TGIF1: variants seen among roughly 807,000 people sequenced by gnomAD.
The protein encoded by TGIF1 is TGFB induced factor homeobox 1.
Under a neutral mutation model 19.3 loss-of-function variants are expected in TGIF1, and 4 were observed. The observed-to-expected ratio is 0.21, with a 90% CI of 0.10 to 0.47. TGIF1 has a LOEUF of 0.47. TGIF1 is among the 20% of genes least tolerant of loss of function. TGIF1 has a pLI of 0.98. For synonymous variants in TGIF1, 122 were observed against 129.3 expected (o/e 0.94, Z 0.38); for missense variants, 275 against 341.4 (o/e 0.81, Z 1.53).
In TGIF1 at chr18:3,457,427, C is replaced by T; in HGVS notation, c.306C>T (p.Gly102=). The T allele has an allele frequency of 6.2e-7, 1 of 1,614,150 alleles. No individual in the cohort carries two copies. Among genetic ancestry groups the T allele is most frequent in the Non-Finnish European group, 8.5e-7 (1 of 1,180,022 alleles). The part of the protein sequence containing the change: ...RLLPDMLRKD[G]KDPNQFTISR... ...TCCCTGACATGCTGAGAAAGGATGG[C>T]AAAGATCCAAATCAGTTCACAATTT... Residue 102 remains glycine (G), a synonymous_variant, in exon 3 of 3, where the codon GGC becomes GGT. Transcript: ENST00000343820. This position sits in a 1 kb window ranked among gnomAD's most constrained non-coding sequence, Gnocchi z 4.9.
At position 3,458,309 on chromosome 18, in the gene TGIF1, A is replaced by G. The variant is rs2049429185; in HGVS notation, c.*369A>G. On this transcript the variant is annotated 3_prime_UTR_variant, in exon 3 of 3. Coordinates refer to ENST00000343820, the MANE Select transcript of TGIF1 (RefSeq NM_003244.4). ...TTCCCATGTGGAACAGGATGCCCAC[A>G]TACTGTCTAATTAATAAATTTTCCA... 5.2e-6 allele frequency: 1 copy of G among 191,194 alleles called. No individual in the cohort carries two copies. Among genetic ancestry groups the G allele is most frequent in the Non-Finnish European group, 1.1e-5 (1 of 92,720 alleles). 11.8% of individuals were successfully genotyped at this position (191,194 alleles called of 1,614,324 possible). A position where few individuals can be genotyped will look rare whatever the true frequency, so the allele number is the denominator to read the frequency against.
At chr18:3,452,427 T>C in intron 1 of TGIF1, 2 of 1,612,440 alleles carry the variant, frequency 1.2e-6, no homozygotes, top group Non-Finnish European at 8.5e-7. Context: ...CAGGGCTCTT[T>C]GGGGGAGCCG....
chr18:3,452,061 T>C (rs200101481), intron 1 of TGIF1: 13 of 1,613,908 alleles, frequency 8.1e-6, no homozygotes, highest in African/African-American at 2.7e-5. Flanking sequence ...CTCTGATTCC[T>C]TTCCATGGCC....
At chr18:3,420,173 G>C (rs2082383610) in intron 2 of TGIF1, among the ~76,000 whole-genome samples, 1 of 152,026 alleles carries the variant, frequency 6.6e-6, no homozygotes, top group African/African-American at 2.4e-5. Flanking sequence ...AGGTCAGGCA[G>C]AGTTTGAGAC....
intron 2 of TGIF1, among the ~76,000 whole-genome samples, chr18:3,441,146 T>C (rs1003823119): frequency 1.3e-5 from 2 of 152,218 alleles, no homozygotes; most frequent in Non-Finnish European, 2.9e-5. Context: ...ACAGAGTTTT[T>C]CTTTTCTACG....
Position 3,456,425 on chromosome 18 carries a change from T to A in TGIF1, c.88T>A (p.Ser30Thr). ...GGACATTCCCTTGGACCTTTCTTCA[T>A]CCGCTGGCTCAGGCAAGAGAAGGAG... The part of the protein sequence containing the change: ...SMDIPLDLSS[S>T]AGSGKRRRRG... The change falls in exon 2 of 3, where the codon TCC (serine) becomes ACC (threonine). Residue 30 changes from serine (S) to threonine (T), a missense_variant. By Grantham distance (58) the Ser-to-Thr change is moderately conservative (BLOSUM62 1). Coordinates refer to ENST00000343820, the MANE Select transcript of TGIF1 (RefSeq NM_003244.4). This position sits in a 1 kb window ranked among gnomAD's most constrained non-coding sequence, Gnocchi z 4.2. 1.2e-6 allele frequency: 2 copies of A among 1,614,252 alleles called. No individual in the cohort carries two copies. The highest frequency in any genetic ancestry group is 1.7e-6 in the Non-Finnish European group (2 of 1,180,040).
intron 2 of TGIF1, among the ~76,000 whole-genome samples, chr18:3,427,441 G>A (rs573998924): frequency 6.6e-6 from 1 of 151,778 alleles, no homozygotes; most frequent in Admixed American, 6.6e-5. Flanking sequence ...ACAGGTGTGC[G>A]CCACCACACG....
At chr18:3,449,897 C>A, upstream of TGIF1, 1 of 985,906 alleles carries the variant, frequency 1.0e-6, no homozygotes, top group Non-Finnish European at 1.2e-6. Context: ...AAGGGAGAAA[C>A]CTGGGGCGCT....
Position 3,450,331 on chromosome 18 carries a change from C to T in TGIF1, c.-159C>T. On this transcript the variant is annotated 5_prime_UTR_variant, in exon 1 of 3. Transcript: ENST00000343820. ...TTGAATTCCACCCAAGGAGCGGGCG[C>T]CTGGGATCAGAGCGTCCTGTTTAGC... The T allele has an allele frequency of 3.4e-6, 5 of 1,462,176 alleles. No individual in the cohort carries two copies. Among genetic ancestry groups the T allele is most frequent in the Non-Finnish European group, 4.5e-6 (5 of 1,104,288 alleles). The allele number at this position is 1,462,176 out of a possible 1,614,324, so 90.6% of individuals were successfully genotyped here. A position where few individuals can be genotyped will look rare whatever the true frequency, so the allele number is the denominator to read the frequency against.
At chr18:3,425,785 C>T (rs62082331) in intron 2 of TGIF1, among the ~76,000 whole-genome samples, 1 of 152,092 alleles carries the variant, frequency 6.6e-6, no homozygotes, top group African/African-American at 2.4e-5. Flanking sequence ...TGCGTGGTGC[C>T]AGCATCGTGT....
rs115287367 is a variant in TGIF1, at chr18:3,415,501, G to A, written c.-117-2642G>A. ...AGGAGCAAGTCATGAGTTCCTGGGT[G>A]CCCAGAAGACAGCAATGGTGCCAGC... On this transcript the variant is annotated intron_variant, in intron 1 of 3. Coordinates refer to the TGIF1 transcript ENST00000401449. 1.3e-3 allele frequency: 599 copies of A among 465,180 alleles called. 3 individuals are homozygous for A. Among genetic ancestry groups the A allele is most frequent in the African/African-American group, 0.011 (542 of 50,734 alleles). The allele number at this position is 465,180 out of a possible 1,614,324, so 28.8% of individuals were successfully genotyped here. A position where few individuals can be genotyped will look rare whatever the true frequency, so the allele number is the denominator to read the frequency against.
chr18:3,449,317 A>G (rs1568044643), upstream of TGIF1: 1 of 911,444 alleles, frequency 1.1e-6, no homozygotes, highest in Non-Finnish European at 1.3e-6. Flanking sequence ...TAGCTATAAA[A>G]GTGGCCGCTG....
At position 3,457,205 on chromosome 18, in the gene TGIF1, G is replaced by A. The variant is rs1393764328; in HGVS notation, c.244-160G>A. Reference sequence around the variant, plus strand: ...CAGGTGGTAGCTTGCTTTCTTGGCGGAGCTCAGATACCTTGAAATAACATT... The same window carrying A: ...CAGGTGGTAGCTTGCTTTCTTGGCGAAGCTCAGATACCTTGAAATAACATT... On this transcript the variant is annotated intron_variant, in intron 2 of 2. Transcript: ENST00000343820. This position sits in a 1 kb window ranked among gnomAD's most constrained non-coding sequence, Gnocchi z 4.9. 1.2e-6 allele frequency: 1 copy of A among 847,746 alleles called. No homozygotes were observed. The highest frequency in any genetic ancestry group is 1.9e-6 in the Non-Finnish European group (1 of 537,634). 52.5% of individuals were successfully genotyped at this position (847,746 alleles called of 1,614,324 possible). A position where few individuals can be genotyped will look rare whatever the true frequency, so the allele number is the denominator to read the frequency against.
intron 1 of TGIF1, among the ~76,000 whole-genome samples, chr18:3,453,497 A>AC (rs959021073): frequency 2.2e-4 from 33 of 151,658 alleles, no homozygotes; most frequent in Admixed American, 1.3e-3. Context: ...GACCAGCCTG[A>AC]CCAACATGGA....
At chr18:3,417,926 C>T (rs1025647530) in intron 1 of TGIF1, among the ~76,000 whole-genome samples, 2 of 152,108 alleles carry the variant, frequency 1.3e-5, no homozygotes, top group Non-Finnish European at 2.9e-5. Flanking sequence ...TAGCAAGACC[C>T]CATCTCTACA....
chr18:3,412,705 G>A (rs2082286247), intron 1 of TGIF1: 1 of 152,266 alleles, frequency 6.6e-6, no homozygotes, highest in South Asian at 2.1e-4. Flanking sequence ...CGAGTGGCAT[G>A]ACTGCATTCC....
rs186004884 is a variant in TGIF1 at position 3,432,656 on chromosome 18, G to A, written c.-45+14441G>A. Among the ~76,000 whole-genome samples, 351 of 152,252 alleles carry A rather than the reference G, an allele frequency of 2.3e-3. 2 individuals are homozygous for A. Among genetic ancestry groups the A allele is most frequent in the African/African-American group, 7.8e-3 (326 of 41,548 alleles). Reference sequence around the variant, plus strand: ...GGAAACGATTATATGTAGTGTGTGCGCCTGTGTTTGTCTATATGGAAAATA... The same window carrying A: ...GGAAACGATTATATGTAGTGTGTGCACCTGTGTTTGTCTATATGGAAAATA... On this transcript the variant is annotated intron_variant, in intron 2 of 3. Coordinates refer to the TGIF1 transcript ENST00000401449.
chr18:3,457,878 C>G lies in TGIF1; in HGVS notation c.757C>G (p.Leu253Val), dbSNP rs764101441. 1 of 1,605,158 alleles carries G rather than the reference C, an allele frequency of 6.2e-7. No individual in the cohort carries two copies. Among genetic ancestry groups the G allele is most frequent in the South Asian group, 1.1e-5 (1 of 91,082 alleles). The change falls in exon 3 of 3, where the codon CTA becomes GTA. Residue 253 changes from leucine (L) to valine (V), a missense_variant. By Grantham distance (32) the Leu-to-Val change is conservative. Transcript: ENST00000343820. The surrounding 1 kb of genome is among the most constrained non-coding windows in gnomAD (Gnocchi z 4.9). ...LNQDFSGFQL[L>V]VDVALKRAAE... is the part of the protein sequence containing the mutation. The stretch of plus-strand genomic sequence containing the variant: ...CCAGGACTTCAGTGGATTTCAGCTT[C>G]TAGTGGATGTTGCACTCAAACGGGC...
upstream of TGIF1, among the ~76,000 whole-genome samples, chr18:3,445,723 C>CA (rs141550400): frequency 0.28 from 5,034 of 17,758 alleles, 931 homozygotes; most frequent in East Asian, 0.46. Flanking sequence ...GACTCTGTCT[C>CA]AAAAAAAAAA....
Sources: gnomAD v4.1 joint callset for allele counts (sites outside exome capture counted in the v4.1 genomes callset) on GRCh38, gnomAD v4.1.1 for gene constraint, Gnocchi (gnomAD v3.1) non-coding constraint, MANE v1.5 for transcripts, NCBI Gene and HGNC (gene_info 2026-07-23, HGNC 2026-07-21) for gene names.